VASH1: variants seen among roughly 807,000 people sequenced by gnomAD.
VASH1 encodes the protein tubulinyl-Tyr carboxypeptidase 1.
VASH1 carries 16 observed loss-of-function variants against 35.0 expected under a neutral mutation model. The observed-to-expected ratio is 0.46, with a 90% confidence interval of 0.31 to 0.70. The LOEUF (loss-of-function observed/expected upper bound fraction) is 0.70, where lower values mean the gene tolerates loss of function less well. Ranked by LOEUF, VASH1 falls within the 30% of genes least tolerant of loss-of-function variation. The pLI, the probability that VASH1 is intolerant of heterozygous loss-of-function variation, is 0.05. For missense variants in VASH1, 505 were observed against 510.7 expected, an observed-to-expected ratio of 0.99 and a Z score of 0.11; for synonymous variants, 214 against 200.9, an observed-to-expected ratio of 1.07 and a Z score of -0.55.
In VASH1 at chr14:76,777,960, T is replaced by C. The variant is rs199512010; in HGVS notation, c.914T>C (p.Ile305Thr). The C allele has an allele frequency of 3.8e-4, 582 of 1,513,722 alleles. 1 individual carries two copies. Among genetic ancestry groups the C allele is most frequent in the Non-Finnish European group, 4.9e-4 (553 of 1,132,458 alleles). 93.8% of individuals were successfully genotyped at this position (1,513,722 alleles called of 1,614,324 possible). ...ERHARDMRLK[I>T]GKGTGPPSPT... ...TGTTGCTTCCTCCTCTGCACCTAGA[T>C]TGGCAAAGGGACGGGCCCTCCCTCT... The change falls in exon 6 of 7, where the codon ATT becomes ACT. Residue 305 changes from isoleucine to threonine, a missense_variant and splice_region_variant. Transcript: ENST00000167106.
At chr14:76,770,760 C>T (rs185998837) in intron 2 of VASH1, among the ~76,000 whole-genome samples, 2 of 152,296 alleles carry the variant, frequency 1.3e-5, no homozygotes, top group East Asian at 1.9e-4. Context: ...GACTGCATAT[C>T]GGGTCCAGCT....
At chr14:76,778,485 C>T (rs867754004) in intron 6 of VASH1, among the ~76,000 whole-genome samples, 98 of 152,282 alleles carry the variant, frequency 6.4e-4, no homozygotes, top group Non-Finnish European at 1.2e-3. Flanking sequence ...AATACCAGCT[C>T]TCCTCCTCTG....
At chr14:76,768,832 CG>C (rs1893714145) in intron 1 of VASH1, among the ~76,000 whole-genome samples, 1 of 149,898 alleles carries the variant, frequency 6.7e-6, no homozygotes, top group African/African-American at 2.4e-5. Context: ...CTTGGAGGGC[CG>C]GGTGGAGGCT....
At chr14:76,775,558 G>A (rs1226520825) in intron 4 of VASH1, among the ~76,000 whole-genome samples, 1 of 152,168 alleles carries the variant, frequency 6.6e-6, no homozygotes, top group Non-Finnish European at 1.5e-5. Context: ...TGAGGCAGGG[G>A]AGGGAAGGCT....
chr14:76,763,869 A>G (rs966963227), intron 1 of VASH1, among the ~76,000 whole-genome samples: 3 of 152,254 alleles, frequency 2.0e-5, no homozygotes, highest in African/African-American at 7.2e-5. Flanking sequence ...CAGAGGCTGT[A>G]TCTCATTCAT....
At chr14:76,764,749 G>T (rs575121742) in intron 1 of VASH1, among the ~76,000 whole-genome samples, 1 of 148,556 alleles carries the variant, frequency 6.7e-6, no homozygotes, top group African/African-American at 2.5e-5. Context: ...GCAGTGGCAT[G>T]ATCTTGGCTC....
chr14:76,762,780 A>C lies in VASH1; in HGVS notation c.-42A>C, dbSNP rs1319726863. ...GTGTGTGGGAGGCCTCTTGTGAGCC[A>C]GTTGTTTTCCCGCCTCCACCACCCC... On this transcript the variant is annotated 5_prime_UTR_variant, in exon 1 of 7. Transcript: ENST00000167106. 10 of 1,432,924 alleles carry C rather than the reference A, an allele frequency of 7.0e-6. No homozygotes were observed. Among genetic ancestry groups the C allele is most frequent in the African/African-American group, 1.4e-5 (1 of 69,964 alleles). The allele number at this position is 1,432,924 out of a possible 1,614,324, so 88.8% of individuals were successfully genotyped here.
Position 76,776,425 on chromosome 14 carries a change from G to A in VASH1, c.912+152G>A, listed in dbSNP as rs1367757888. The A allele has an allele frequency of 9.6e-6, 11 of 1,147,392 alleles. No homozygotes were observed. The East Asian group carries it at 2.3e-4, about 24-fold the overall frequency. 71.1% of individuals were successfully genotyped at this position (1,147,392 alleles called of 1,614,324 possible). ...GTCGATATTGTTCAGGTGGTCCCCT[G>A]GGGTGGGCAGACCAGGACGGCTGCG... is the stretch of plus-strand genomic sequence containing the variant. On this transcript the variant is annotated intron_variant, in intron 5 of 6. Transcript: ENST00000167106.
chr14:76,766,890 G>A (rs1335548397), intron 1 of VASH1, among the ~76,000 whole-genome samples: 1 of 152,162 alleles, frequency 6.6e-6, no homozygotes, highest in Non-Finnish European at 1.5e-5. Flanking sequence ...CGCACTATAA[G>A]GCTGATTTTG....
chr14:76,773,463 A>T (rs1893847538), intron 4 of VASH1: 1 of 528,992 alleles, frequency 1.9e-6, no homozygotes, highest in South Asian at 3.1e-5. Flanking sequence ...TTTTTGAGTC[A>T]CGTGGATACA....
Position 76,781,861 on chromosome 14 carries a change from G to C in VASH1, c.*2843G>C, listed in dbSNP as rs1475703927. On this transcript the variant is annotated 3_prime_UTR_variant, in exon 7 of 7. Transcript: ENST00000167106. ...GCTGTGAGGTTTCTGGGGAGGCAGA[G>C]AGGCAGGGACTTTGGGGCCTTAGTC... is the stretch of plus-strand genomic sequence containing the variant. 2.0e-5 allele frequency: 3 copies of C among 153,176 alleles called. No individual in the cohort carries two copies. Among genetic ancestry groups the C allele is most frequent in the African/African-American group, 7.2e-5 (3 of 41,438 alleles). 9.5% of individuals were successfully genotyped at this position (153,176 alleles called of 1,614,324 possible).
chr14:76,764,821 G>A (rs1893599862), intron 1 of VASH1, among the ~76,000 whole-genome samples: 1 of 151,922 alleles, frequency 6.6e-6, no homozygotes, highest in Admixed American at 6.6e-5. Flanking sequence ...GAGTATCTGG[G>A]ATTGTAGGCA....
chr14:76,772,618 C>T (rs1595273965), intron 3 of VASH1, among the ~76,000 whole-genome samples: 1 of 152,366 alleles, frequency 6.6e-6, no homozygotes, highest in Middle Eastern at 3.4e-3. Context: ...CTGTAGTCAG[C>T]AGGTAACTAT....
chr14:76,779,343 A>G lies in VASH1; in HGVS notation c.*325A>G, dbSNP rs998794028. ...TAACAAATCCATGTGTCATGGGGCC[A>G]GGTGAGGGAAACTGCTGGTTCTGCT... On this transcript the variant is annotated 3_prime_UTR_variant, in exon 7 of 7. Coordinates refer to ENST00000167106, the MANE Select transcript of VASH1 (RefSeq NM_014909.5). 1 of 685,696 alleles carries G rather than the reference A, an allele frequency of 1.5e-6. No individual in the cohort carries two copies. The highest frequency in any genetic ancestry group is 2.7e-6 in the Non-Finnish European group (1 of 374,224). The allele number at this position is 685,696 out of a possible 1,614,324, so 42.5% of individuals were successfully genotyped here.
chr14:76,763,204 A>C, intron 1 of VASH1, 74 bp downstream of exon 1: 1 of 1,313,092 alleles, frequency 7.6e-7, no homozygotes, highest in South Asian at 2.4e-5. Flanking sequence ...GTGAAGCCAC[A>C]CTCTCCTCCC....
At chr14:76,763,520 A>T (rs1460193313) in intron 1 of VASH1, among the ~76,000 whole-genome samples, 3 of 152,208 alleles carry the variant, frequency 2.0e-5, no homozygotes, top group African/African-American at 7.2e-5. Context: ...ATGTTGAGAA[A>T]ATATTTTCGT....
At chr14:76,772,419 C>T (rs562612536) in intron 3 of VASH1, among the ~76,000 whole-genome samples, 1 of 152,290 alleles carries the variant, frequency 6.6e-6, no homozygotes, top group African/African-American at 2.4e-5. Context: ...CAAAGCTTTG[C>T]TTTTGTTGGC....
Position 76,762,313 on chromosome 14 carries a change from G to C in VASH1, c.-509G>C, listed in dbSNP as rs1250445404. 2 of 152,336 alleles carry C rather than the reference G, an allele frequency of 1.3e-5. No individual in the cohort carries two copies. The highest frequency in any genetic ancestry group is 4.8e-5 in the African/African-American group (2 of 41,470). The allele number at this position is 152,336 out of a possible 1,614,324, so 9.4% of individuals were successfully genotyped here. On this transcript the variant is annotated 5_prime_UTR_variant, in exon 1 of 7. Coordinates refer to ENST00000167106, the MANE Select transcript of VASH1 (RefSeq NM_014909.5). ...AGCTCGCGCGGCCGGGAGTCGCCTC[G>C]GTCTTCCTTGGGGCGCGCGCAGATG...
chr14:76,766,413 T>G (rs1893643121), intron 1 of VASH1, among the ~76,000 whole-genome samples: 1 of 150,400 alleles, frequency 6.6e-6, no homozygotes. Flanking sequence ...ACATCTCCTC[T>G]AGCTACTTAT....
Sources: allele counts gnomAD v4.1 joint callset (sites outside exome capture counted in the v4.1 genomes callset), GRCh38; gene constraint gnomAD v4.1.1; transcripts MANE v1.5; gene names NCBI Gene and HGNC (gene_info 2026-07-23, HGNC 2026-07-21).